PTPRF: variants seen among roughly 807,000 people sequenced by gnomAD.
PTPRF encodes the protein protein tyrosine phosphatase receptor type F, also known as receptor-type tyrosine-protein phosphatase F.
In PTPRF, 59 loss-of-function variants were observed where a neutral mutation model predicts 201.8. The observed-to-expected ratio is 0.29, with a 90% CI of 0.24 to 0.36. The LOEUF (loss-of-function observed/expected upper bound fraction) is 0.36, where lower values mean the gene tolerates loss of function less well. Among genes scored for constraint, PTPRF ranks in the 10% least tolerant of loss-of-function variants. The pLI is 1.00. For synonymous variants in PTPRF, 1,088 were observed against 1,089.7 expected, an observed-to-expected ratio of 1.00 and a Z score of 0.03; for missense variants, 2,132 against 2,690.5, an observed-to-expected ratio of 0.79 and a Z score of 4.59.
In PTPRF at chr1:43,609,377, C is replaced by T. The variant is rs1254084696; in HGVS notation, c.3858-6C>T. On this transcript the variant is annotated splice_region_variant and splice_polypyrimidine_tract_variant and intron_variant, in intron 21 of 33. Transcript: ENST00000359947. The stretch of plus-strand genomic sequence containing the variant: ...GTTCTCACCAGCCTCCCTTCTGTCT[C>T]TCTAGGAAAAGGACCCACTCTCCGT... The T allele has an allele frequency of 3.7e-6, 6 of 1,613,040 alleles. No individual in the cohort carries two copies. The highest frequency in any genetic ancestry group is 5.1e-6 in the Non-Finnish European group (6 of 1,179,228).
intron 1 of PTPRF, among the ~76,000 whole-genome samples, chr1:43,534,365 T>A (rs143688927): frequency 4.7e-4 from 72 of 152,206 alleles, no homozygotes; most frequent in African/African-American, 1.6e-3. Flanking sequence ...GGGAAAAGGA[T>A]GGAGACAGGA....
At chr1:43,529,561 G>A (rs1174376236), upstream of PTPRF, among the ~76,000 whole-genome samples, 1 of 152,092 alleles carries the variant, frequency 6.6e-6, no homozygotes, top group Non-Finnish European at 1.5e-5. Flanking sequence ...CTCTTTTTCT[G>A]CTCAGTTACC....
chr1:43,560,230 C>T (rs1449694029), intron 5 of PTPRF, among the ~76,000 whole-genome samples: 1 of 137,136 alleles, frequency 7.3e-6, no homozygotes, highest in African/African-American at 2.8e-5. Context: ...TGCATCAGGC[C>T]GTGTGTGTGT....
rs1161844651 is a variant in PTPRF at position 43,554,319 on chromosome 1, A to G, written c.379+378A>G. On this transcript the variant is annotated intron_variant, in intron 5 of 33. Transcript: ENST00000359947. This position sits in a 1 kb window ranked among gnomAD's most constrained non-coding sequence, Gnocchi z 4.1. ...TGGAGCCTGGCCGTAGGTGTCAGGC[A>G]GGTGTGTTCCTTGTTGCCCCTGTGA... Among the ~76,000 whole-genome samples, 1 of 152,150 alleles carries G rather than the reference A, an allele frequency of 6.6e-6. No individual in the cohort carries two copies. Among genetic ancestry groups the G allele is most frequent in the Non-Finnish European group, 1.5e-5 (1 of 68,032 alleles).
intron 3 of PTPRF, among the ~76,000 whole-genome samples, chr1:43,545,964 G>A (rs1044243689): frequency 2.0e-5 from 3 of 152,182 alleles, no homozygotes; most frequent in African/African-American, 7.2e-5. Context: ...GGGAGGCGGG[G>A]CACAGGGCAG....
At chr1:43,536,996 C>T (rs779095962) in intron 1 of PTPRF, among the ~76,000 whole-genome samples, 13 of 152,284 alleles carry the variant, frequency 8.5e-5, no homozygotes, top group Non-Finnish European at 1.3e-4. Flanking sequence ...GACATTCCCA[C>T]GCACCACCCT....
chr1:43,592,526 T>C lies in PTPRF; in HGVS notation c.1738T>C (p.Phe580Leu). 6.2e-7 allele frequency: 1 copy of C among 1,612,520 alleles called. No individual in the cohort carries two copies. The highest frequency in any genetic ancestry group is 2.2e-5 in the East Asian group (1 of 44,762). Reference protein sequence around the residue: ...EDLKPDTLYRFQLAARSDMGV... With the variant: ...EDLKPDTLYRLQLAARSDMGV... ...CCTGAAGCCTGACACACTCTACCGCTTCCAGCTGGCTGCACGCTCGGATAT... is the reference window on the plus strand; with the variant it reads ...CCTGAAGCCTGACACACTCTACCGCCTCCAGCTGGCTGCACGCTCGGATAT... Residue 580 changes from phenylalanine to leucine, a missense_variant, in exon 11 of 34, where the codon TTC becomes CTC. This residue lies in a region of PTPRF where 351 missense variants were observed against 401.7 expected (regional missense o/e 0.87). Coordinates refer to ENST00000359947, the MANE Select transcript of PTPRF (RefSeq NM_002840.5).
chr1:43,599,736 G>GA (rs1303081345), intron 13 of PTPRF, among the ~76,000 whole-genome samples: 2 of 152,086 alleles, frequency 1.3e-5, no homozygotes, highest in African/African-American at 4.8e-5. Context: ...GGAATGCTGG[G>GA]GGGTTATGAG....
rs1019680646 is a variant in PTPRF, at chr1:43,591,162, C to T, written c.1140C>T (p.Ser380=). 1.2e-6 allele frequency: 2 copies of T among 1,613,086 alleles called. No individual in the cohort carries two copies. The highest frequency in any genetic ancestry group is 1.7e-6 in the Non-Finnish European group (2 of 1,179,936). The change falls in exon 9 of 34, where the codon AGC becomes AGT. Residue 380 remains serine, a synonymous_variant. Coordinates refer to ENST00000359947, the MANE Select transcript of PTPRF (RefSeq NM_002840.5). ...ATTRYSIGGL[S]PFSEYAFRVL... ...CCCGCTACAGCATTGGCGGCCTCAG[C>T]CCTTTCTCGGAATATGCCTTCCGCG...
intron 5 of PTPRF, among the ~76,000 whole-genome samples, chr1:43,569,012 C>T (rs906105013): frequency 2.6e-5 from 4 of 152,180 alleles, no homozygotes; most frequent in African/African-American, 7.2e-5. Context: ...AGGTCAGGAT[C>T]GGAGTTAGAA....
Position 43,546,758 on chromosome 1 carries a change from G to C in PTPRF, c.91+1592G>C, listed in dbSNP as rs1370604427. ...ATCCCCCAGCCTGCTGTCTTCCCGT[G>C]TTCTCTCCCGTGAAAGGCATTACCA... On this transcript the variant is annotated intron_variant, in intron 3 of 33. Transcript: ENST00000359947. This position sits in a 1 kb window ranked among gnomAD's most constrained non-coding sequence, Gnocchi z 4.2. Among the ~76,000 whole-genome samples, 2 of 152,040 alleles carry C rather than the reference G, an allele frequency of 1.3e-5. No individual in the cohort carries two copies. The highest frequency in any genetic ancestry group is 2.4e-5 in the African/African-American group (1 of 41,368).
At chr1:43,536,787 G>C (rs145238670) in intron 1 of PTPRF, among the ~76,000 whole-genome samples, 2 of 152,192 alleles carry the variant, frequency 1.3e-5, no homozygotes, top group African/African-American at 4.8e-5. Flanking sequence ...AGAGGGCTGC[G>C]GGTTCTGGTG....
At position 43,622,213 on chromosome 1, in the gene PTPRF, G is replaced by C. The variant is rs1315996282; in HGVS notation, c.*210G>C. ...GGGCAAGTGGATGGCCCAGCAGGCA[G>C]GCACTGTGGCCCTTCTGTCCACCAG... On this transcript the variant is annotated 3_prime_UTR_variant, in exon 34 of 34. Coordinates refer to ENST00000359947, the MANE Select transcript of PTPRF (RefSeq NM_002840.5). The C allele has an allele frequency of 1.7e-6, 1 of 585,326 alleles. No homozygotes were observed. The highest frequency in any genetic ancestry group is 2.9e-5 in the Admixed American group (1 of 33,918). The allele number at this position is 585,326 out of a possible 1,614,324, so 36.3% of individuals were successfully genotyped here. A position where few individuals can be genotyped will look rare whatever the true frequency, so the allele number is the denominator to read the frequency against.
intron 5 of PTPRF, among the ~76,000 whole-genome samples, chr1:43,562,257 C>T (rs1039893580): frequency 7.2e-5 from 11 of 152,148 alleles, no homozygotes; most frequent in South Asian, 2.1e-4. Context: ...TACAGGCACG[C>T]GCCACCACAC....
In PTPRF at chr1:43,591,280, G is replaced by C; in HGVS notation, c.1258G>C (p.Val420Leu). 1 of 1,556,564 alleles carries C rather than the reference G, an allele frequency of 6.4e-7. No individual in the cohort carries two copies. The highest frequency in any genetic ancestry group is 8.7e-7 in the Non-Finnish European group (1 of 1,152,586). Residue 420 changes from valine (V) to leucine (L), a missense_variant, in exon 9 of 34, where the codon GTG (valine) becomes CTG (leucine). By Grantham distance (32) the Val-to-Leu change is conservative. This residue lies in a region of PTPRF where 351 missense variants were observed against 401.7 expected (regional missense o/e 0.87). Transcript: ENST00000359947. The stretch of plus-strand genomic sequence containing the variant: ...GGCGCCCTCCAGCCCACCGCGCCGC[G>C]TGCAGGCACGCATGCTGAGCGCCAG... ...EQAPSSPPRR[V>L]QARMLSASTM...
rs181316658 is a variant in PTPRF at position 43,588,518 on chromosome 1, C to G, written c.680-213C>G. ...CTCTCATTGAGTAAGTCATCGTGCTCCAGACAGTCCCTGAGTGTGGGGGCC... is the reference window on the plus strand; with the variant it reads ...CTCTCATTGAGTAAGTCATCGTGCTGCAGACAGTCCCTGAGTGTGGGGGCC... On this transcript the variant is annotated intron_variant, in intron 7 of 33. Coordinates refer to ENST00000359947, the MANE Select transcript of PTPRF (RefSeq NM_002840.5). The surrounding 1 kb of genome is among the most constrained non-coding windows in gnomAD (Gnocchi z 5.3). 6.6e-6 allele frequency among the ~76,000 whole-genome samples: 1 copy of G among 152,276 alleles called. No homozygotes were observed. Among genetic ancestry groups the G allele is most frequent in the African/African-American group, 2.4e-5 (1 of 41,560 alleles).
intron 5 of PTPRF, among the ~76,000 whole-genome samples, chr1:43,568,932 C>T (rs1261694526): frequency 3.3e-5 from 5 of 152,186 alleles, no homozygotes; most frequent in Admixed American, 2.0e-4. Flanking sequence ...CAGCCCTGAC[C>T]GTGACTCCCA....
At position 43,554,321 on chromosome 1, in the gene PTPRF, G is replaced by T. The variant is rs927775338; in HGVS notation, c.379+380G>T. Among the ~76,000 whole-genome samples, 8 of 152,180 alleles carry T rather than the reference G, an allele frequency of 5.3e-5. No homozygotes were observed. The highest frequency in any genetic ancestry group is 2.0e-4 in the Admixed American group (3 of 15,280). ...GAGCCTGGCCGTAGGTGTCAGGCAG[G>T]TGTGTTCCTTGTTGCCCCTGTGAGC... On this transcript the variant is annotated intron_variant, in intron 5 of 33. Coordinates refer to ENST00000359947, the MANE Select transcript of PTPRF (RefSeq NM_002840.5). The surrounding 1 kb of genome is among the most constrained non-coding windows in gnomAD (Gnocchi z 4.1).
At position 43,587,742 on chromosome 1, in the gene PTPRF, C is replaced by T. The variant is rs188887556; in HGVS notation, c.680-989C>T. Among the ~76,000 whole-genome samples, 80 of 152,312 alleles carry T rather than the reference C, an allele frequency of 5.3e-4. 1 individual carries two copies. The East Asian group carries it at 0.01, about 19-fold the overall frequency. On this transcript the variant is annotated intron_variant, in intron 7 of 33. Transcript: ENST00000359947. Reference sequence around the variant, plus strand: ...AGTGCCCGTGTAGGACACACCCTGGCCTCTGCTCACCAGCTGCATGGCCCA... The same window carrying T: ...AGTGCCCGTGTAGGACACACCCTGGTCTCTGCTCACCAGCTGCATGGCCCA...
Sources: allele counts gnomAD v4.1 joint callset (sites outside exome capture counted in the v4.1 genomes callset), GRCh38; gene constraint gnomAD v4.1.1; regional missense constraint gnomAD v4.1.1; non-coding constraint Gnocchi (gnomAD v3.1); transcripts MANE v1.5; gene names NCBI Gene and HGNC (gene_info 2026-07-23, HGNC 2026-07-21).